BTBD9: variants seen among roughly 807,000 people sequenced by gnomAD.
The protein encoded by BTBD9 is BTB domain containing 9.
BTBD9 carries 49 observed loss-of-function variants against 64.3 expected under a neutral mutation model. That is an observed-to-expected ratio of 0.76 (90% CI 0.61 to 0.97). BTBD9 has a LOEUF of 0.97. Ranked by LOEUF, BTBD9 falls within the 50% of genes least tolerant of loss-of-function variation. BTBD9 has a pLI of 0.00. For synonymous variants in BTBD9, 260 were observed against 274.7 expected, an observed-to-expected ratio of 0.95 and a Z score of 0.53; for missense variants, 598 against 762.1, an observed-to-expected ratio of 0.78 and a Z score of 2.53.
Position 38,599,515 on chromosome 6 carries a change from T to A in BTBD9, c.-27-1394A>T, listed in dbSNP as rs1777174050. Among the ~76,000 whole-genome samples, 3 of 152,340 alleles carry A rather than the reference T, an allele frequency of 2.0e-5. No homozygotes were observed. The South Asian group carries it at 6.2e-4, about 32-fold the overall frequency. On this transcript the variant is annotated intron_variant, in intron 1 of 10. Transcript: ENST00000481247. Reference sequence around the variant, plus strand: ...AGTATGTCAGAGGCTTGGCTAGCATTCAGATGCCCCCGGTGAAGAGGTAGT... The same window carrying A: ...AGTATGTCAGAGGCTTGGCTAGCATACAGATGCCCCCGGTGAAGAGGTAGT...
At chr6:38,283,816 G>A (rs1441213984) in intron 8 of BTBD9, among the ~76,000 whole-genome samples, 1 of 152,124 alleles carries the variant, frequency 6.6e-6, no homozygotes, top group Non-Finnish European at 1.5e-5. Context: ...GAATCACTGG[G>A]TTTCTTCAGA....
chr6:38,416,223 G>C (rs1432794332), intron 6 of BTBD9, among the ~76,000 whole-genome samples: 1 of 152,112 alleles, frequency 6.6e-6, no homozygotes, highest in Non-Finnish European at 1.5e-5. Context: ...GTAGATAGTT[G>C]GGATAACAGG....
chr6:38,296,017 C>T (rs2127560194), intron 7 of BTBD9, among the ~76,000 whole-genome samples: 1 of 152,282 alleles, frequency 6.6e-6, no homozygotes, highest in East Asian at 1.9e-4. Flanking sequence ...CACTCCACTC[C>T]AGCCTAGGCA....
chr6:38,402,540 G>A (rs1392161680), intron 6 of BTBD9, among the ~76,000 whole-genome samples: 1 of 152,162 alleles, frequency 6.6e-6, no homozygotes, highest in South Asian at 2.1e-4. Flanking sequence ...TACATCTATG[G>A]CCAACTGATT....
In BTBD9 at chr6:38,455,449, C is replaced by T. The variant is rs931244043; in HGVS notation, c.1155-110356G>A. Among the ~76,000 whole-genome samples, 10 of 152,202 alleles carry T rather than the reference C, an allele frequency of 6.6e-5. 1 individual carries two copies. The highest frequency in any genetic ancestry group is 3.9e-4 in the East Asian group (2 of 5,194). On this transcript the variant is annotated intron_variant, in intron 6 of 10. Coordinates refer to ENST00000481247, the MANE Select transcript of BTBD9 (RefSeq NM_001099272.2). Reference sequence around the variant, plus strand: ...CTTCCGGAAGTCTTGGGATTACAGGCGTAAGCCACCGTGCCCAGCCTCATT... The same window carrying T: ...CTTCCGGAAGTCTTGGGATTACAGGTGTAAGCCACCGTGCCCAGCCTCATT...
chr6:38,408,959 ATAAT>A (rs1273305416), intron 6 of BTBD9, among the ~76,000 whole-genome samples: 3 of 152,196 alleles, frequency 2.0e-5, no homozygotes, highest in African/African-American at 7.2e-5. Context: ...CCAAAGAGAA[ATAAT>A]TGGTGGACAG....
chr6:38,507,582 A>G (rs1772584921), intron 6 of BTBD9, among the ~76,000 whole-genome samples: 1 of 152,192 alleles, frequency 6.6e-6, no homozygotes, highest in Admixed American at 6.5e-5. Flanking sequence ...TCTCCGTGAC[A>G]TTTAATCCTG....
At chr6:38,268,103 T>C (rs1765076384) in intron 8 of BTBD9, among the ~76,000 whole-genome samples, 1 of 152,250 alleles carries the variant, frequency 6.6e-6, no homozygotes, top group South Asian at 2.1e-4. Context: ...GAATGAATTA[T>C]GTTTCAATGC....
chr6:38,238,805 C>T (rs1763887498), intron 9 of BTBD9, among the ~76,000 whole-genome samples: 1 of 152,006 alleles, frequency 6.6e-6, no homozygotes, highest in Non-Finnish European at 1.5e-5. Context: ...GGTGAAGCCT[C>T]CAAGTAGTAG....
rs59014161 is a variant in BTBD9, at chr6:38,505,964, C to CAAAAAAAAAAAAAAA, written c.1154+71621_1154+71635dup. ...TGGCAACAGCATGGCTCCGTCTCAA[C>CAAAAAAAAAAAAAAA]AAAAAAAAAAAAAAAAAAAAGGAAC... is the stretch of plus-strand genomic sequence containing the variant. On this transcript the variant is annotated intron_variant, in intron 6 of 10. Coordinates refer to ENST00000481247, the MANE Select transcript of BTBD9 (RefSeq NM_001099272.2). Among the ~76,000 whole-genome samples, 363 of 82,558 alleles carry CAAAAAAAAAAAAAAA rather than the reference C, an allele frequency of 4.4e-3. 26 individuals are homozygous for CAAAAAAAAAAAAAAA. The highest frequency in any genetic ancestry group is 0.011 in the African/African-American group (279 of 24,404). 54.2% of individuals were successfully genotyped at this position (82,558 alleles called of 152,430 possible).
At chr6:38,504,102 C>T (rs1183261225) in intron 6 of BTBD9, among the ~76,000 whole-genome samples, 1 of 152,058 alleles carries the variant, frequency 6.6e-6, no homozygotes, top group Non-Finnish European at 1.5e-5. Context: ...TTGCAGAGTG[C>T]CCTCACTTCC....
At chr6:38,539,760 G>T (rs938361016) in intron 6 of BTBD9, among the ~76,000 whole-genome samples, 3 of 152,084 alleles carry the variant, frequency 2.0e-5, no homozygotes, top group African/African-American at 7.2e-5. Flanking sequence ...AAATAAAATA[G>T]AAAGTAAACC....
rs1404051851 is a variant in BTBD9, at chr6:38,419,610, C to T, written c.1155-74517G>A. Among the ~76,000 whole-genome samples, 4 of 152,258 alleles carry T rather than the reference C, an allele frequency of 2.6e-5. No homozygotes were observed. The East Asian group carries it at 7.7e-4, about 29-fold the overall frequency. ...AGGGAGCTGGGTGCGGTGGCTCATG[C>T]CTGTAATCCCAGCACTTTGGGAGGC... On this transcript the variant is annotated intron_variant, in intron 6 of 10. Transcript: ENST00000481247.
chr6:38,593,168 G>C (rs1023975093), intron 3 of BTBD9, among the ~76,000 whole-genome samples: 2 of 152,202 alleles, frequency 1.3e-5, no homozygotes, highest in Non-Finnish European at 2.9e-5. Flanking sequence ...TTCTTCAAGA[G>C]AGTGTACATT....
intron 6 of BTBD9, among the ~76,000 whole-genome samples, chr6:38,381,107 T>C (rs1156935134): frequency 6.6e-6 from 1 of 151,386 alleles, no homozygotes; most frequent in Non-Finnish European, 1.5e-5. Context: ...TAGCAAAAAA[T>C]GATAGGGGAG....
intron 1 of BTBD9, among the ~76,000 whole-genome samples, chr6:38,622,246 C>T (rs1778010275): frequency 6.6e-6 from 1 of 152,218 alleles, no homozygotes; most frequent in Admixed American, 6.5e-5. Context: ...CCGGGGAGCA[C>T]TGGCAGTTAG....
chr6:38,426,834 C>T (rs989370049), intron 6 of BTBD9, among the ~76,000 whole-genome samples: 7 of 151,756 alleles, frequency 4.6e-5, no homozygotes, highest in East Asian at 1.9e-4. Context: ...TCAGAGAACA[C>T]GAGGCTTGCC....
intron 6 of BTBD9, among the ~76,000 whole-genome samples, chr6:38,454,979 C>T (rs1769731094): frequency 6.6e-6 from 1 of 152,066 alleles, no homozygotes; most frequent in African/African-American, 2.4e-5. Context: ...AACCAGATAC[C>T]TCTGTTCTGG....
intron 1 of BTBD9, among the ~76,000 whole-genome samples, chr6:38,617,775 C>A (rs1450696538): frequency 6.6e-6 from 1 of 152,188 alleles, no homozygotes; most frequent in Non-Finnish European, 1.5e-5. Flanking sequence ...GCCCTCCACT[C>A]CATTTTGAGG....
Sources: allele counts gnomAD v4.1 joint callset (sites outside exome capture counted in the v4.1 genomes callset), GRCh38; gene constraint gnomAD v4.1.1; transcripts MANE v1.5; gene names NCBI Gene and HGNC (gene_info 2026-07-23, HGNC 2026-07-21).